CNTNAP2: variants seen among roughly 807,000 people sequenced by gnomAD.
CNTNAP2 encodes contactin associated protein 2, also known as contactin-associated protein-like 2.
In CNTNAP2, 98 loss-of-function variants were observed where a neutral mutation model predicts 155.2. The ratio of observed to expected loss-of-function variants is 0.63; its 90% confidence interval spans 0.54 to 0.75. The LOEUF (loss-of-function observed/expected upper bound fraction) is 0.75. Ranked by LOEUF, CNTNAP2 falls within the 30% of genes least tolerant of loss-of-function variation. CNTNAP2 has a pLI of 0.00. For synonymous variants in CNTNAP2, 651 were observed against 631.2 expected, an observed-to-expected ratio of 1.03 and a Z score of -0.47; for missense variants, 1,727 against 1,688.1, an observed-to-expected ratio of 1.02 and a Z score of -0.40.
intron 1 of CNTNAP2, among the ~76,000 whole-genome samples, chr7:146,712,700 A>T (rs1015289321): frequency 9.2e-5 from 14 of 151,818 alleles, no homozygotes; most frequent in Non-Finnish European, 1.5e-4. Flanking sequence ...TAAATAGTCT[A>T]ACATCTGTAA....
At chr7:146,146,713 G>A (rs1237986473) in intron 1 of CNTNAP2, among the ~76,000 whole-genome samples, 1 of 151,956 alleles carries the variant, frequency 6.6e-6, no homozygotes, top group Non-Finnish European at 1.5e-5. Flanking sequence ...TCAAATTTCG[G>A]GGGCAAATGC....
At chr7:146,481,541 A>C (rs1053498753) in intron 1 of CNTNAP2, among the ~76,000 whole-genome samples, 2 of 152,234 alleles carry the variant, frequency 1.3e-5, no homozygotes, top group African/African-American at 4.8e-5. Flanking sequence ...ATAATTGTTC[A>C]GTAAATGTAT....
Position 147,043,927 on chromosome 7 carries a change from C to T in CNTNAP2, c.423C>T (p.Asn141=). 1 of 1,614,154 alleles carries T rather than the reference C, an allele frequency of 6.2e-7. No homozygotes were observed. Among genetic ancestry groups the T allele is most frequent in the South Asian group, 1.1e-5 (1 of 91,090 alleles). The change falls in exon 4 of 24, where the codon AAC becomes AAT. Residue 141 remains asparagine, a synonymous_variant. Coordinates refer to ENST00000361727, the MANE Select transcript of CNTNAP2 (RefSeq NM_014141.6). ...TCCAGGCATTTCCCGGAAACATTAACTCTGACGGTGTGGTCCGGCACGAAT... is the reference window on the plus strand; with the variant it reads ...TCCAGGCATTTCCCGGAAACATTAATTCTGACGGTGTGGTCCGGCACGAAT... ...GNIWAFPGNI[N]SDGVVRHELQ... is the part of the protein sequence containing the mutation.
intron 1 of CNTNAP2, among the ~76,000 whole-genome samples, chr7:146,428,954 C>T (rs933988809): frequency 2.0e-5 from 3 of 151,844 alleles, no homozygotes; most frequent in African/African-American, 7.2e-5. Context: ...GGTCAATTTT[C>T]AATTTTCTGC....
intron 10 of CNTNAP2, among the ~76,000 whole-genome samples, chr7:147,440,650 G>A (rs989253963): frequency 1.3e-5 from 2 of 152,144 alleles, no homozygotes; most frequent in East Asian, 1.9e-4. Flanking sequence ...GACAGATCTG[G>A]TATTGATGAA....
chr7:147,231,054 A>G lies in CNTNAP2; in HGVS notation c.1349-69087A>G, dbSNP rs187525146. ...AAGCACGTATTACATGGCAGCAGACAAAAGAGAAGAGTGAAGCAAGCGGGA... is the reference window on the plus strand; with the variant it reads ...AAGCACGTATTACATGGCAGCAGACGAAAGAGAAGAGTGAAGCAAGCGGGA... On this transcript the variant is annotated intron_variant, in intron 8 of 23. Transcript: ENST00000361727. Among the ~76,000 whole-genome samples, 409 of 152,368 alleles carry G rather than the reference A, an allele frequency of 2.7e-3. 1 individual carries two copies. Among genetic ancestry groups the G allele is most frequent in the African/African-American group, 9.2e-3 (383 of 41,586 alleles).
chr7:146,295,759 A>T (rs7783831), intron 1 of CNTNAP2, among the ~76,000 whole-genome samples: 2,959 of 152,094 alleles, frequency 0.019, 118 homozygotes, highest in African/African-American at 0.067. Flanking sequence ...GAAAGCAGAA[A>T]TAATTGTTAA....
intron 13 of CNTNAP2, among the ~76,000 whole-genome samples, chr7:147,806,536 G>T (rs1262327712): frequency 1.3e-5 from 2 of 152,128 alleles, no homozygotes; most frequent in Non-Finnish European, 2.9e-5. Flanking sequence ...TTTCAAAAAG[G>T]TATCTGCACT....
intron 13 of CNTNAP2, among the ~76,000 whole-genome samples, chr7:147,838,152 A>G (rs2116646981): frequency 6.6e-6 from 1 of 152,264 alleles, no homozygotes; most frequent in South Asian, 2.1e-4. Context: ...GACCCCTTTT[A>G]GTCACACCTG....
chr7:148,025,625 A>C (rs1802360896), intron 15 of CNTNAP2, among the ~76,000 whole-genome samples: 1 of 152,222 alleles, frequency 6.6e-6, no homozygotes, highest in Non-Finnish European at 1.5e-5. Context: ...TTAGTACTCA[A>C]AACAATCTAT....
chr7:146,772,502 C>CAA (rs71165037), intron 1 of CNTNAP2, among the ~76,000 whole-genome samples: 7,929 of 96,146 alleles, frequency 0.082, 849 homozygotes, highest in African/African-American at 0.23. Context: ...ACTGAAAATA[C>CAA]AAAAAAAAAA....
At chr7:146,373,435 T>TACACACACACAC (rs1563059452) in intron 1 of CNTNAP2, among the ~76,000 whole-genome samples, 16 of 142,096 alleles carry the variant, frequency 1.1e-4, no homozygotes, top group African/African-American at 4.8e-4. Context: ...CACACACACT[T>TACACACACACAC]AGGCATGAGG....
At chr7:147,840,102 A>C (rs118116146) in intron 13 of CNTNAP2, among the ~76,000 whole-genome samples, 2,154 of 152,212 alleles carry the variant, frequency 0.014, 23 homozygotes, top group Non-Finnish European at 0.023. Flanking sequence ...ACTTATAAGT[A>C]GGAGCTAAAT....
At chr7:146,215,636 A>G (rs926698579) in intron 1 of CNTNAP2, among the ~76,000 whole-genome samples, 4 of 151,578 alleles carry the variant, frequency 2.6e-5, no homozygotes, top group African/African-American at 9.7e-5. Flanking sequence ...ATATTTTTTT[A>G]CTTGCCTTTG....
intron 4 of CNTNAP2, among the ~76,000 whole-genome samples, chr7:147,071,924 A>G (rs904762631): frequency 6.6e-6 from 1 of 152,218 alleles, no homozygotes; most frequent in African/African-American, 2.4e-5. Flanking sequence ...GGGGCTGGAT[A>G]TGCCCAGGGT....
intron 11 of CNTNAP2, among the ~76,000 whole-genome samples, chr7:147,492,428 G>A (rs180753147): frequency 5.9e-5 from 9 of 152,278 alleles, no homozygotes; most frequent in Non-Finnish European, 1.3e-4. Flanking sequence ...AATAGATACA[G>A]ATATGTTTAA....
chr7:146,232,512 T>C (rs1340831888), intron 1 of CNTNAP2, among the ~76,000 whole-genome samples: 2 of 152,094 alleles, frequency 1.3e-5, no homozygotes, highest in Non-Finnish European at 2.9e-5. Context: ...GAGCCAGAGA[T>C]TCTCCTCATT....
intron 3 of CNTNAP2, among the ~76,000 whole-genome samples, chr7:146,900,457 C>T (rs965665525): frequency 3.9e-5 from 6 of 152,232 alleles, no homozygotes; most frequent in Admixed American, 2.0e-4. Context: ...CTCCACTCCA[C>T]AGCTTCACCC....
chr7:146,531,678 G>A (rs191303543), intron 1 of CNTNAP2, among the ~76,000 whole-genome samples: 45 of 152,026 alleles, frequency 3.0e-4, no homozygotes, highest in African/African-American at 9.6e-4. Context: ...CCCAAGTAGC[G>A]GGATTACAGG....
Sources: allele counts gnomAD v4.1 joint callset (sites outside exome capture counted in the v4.1 genomes callset), GRCh38; gene constraint gnomAD v4.1.1; transcripts MANE v1.5; gene names NCBI Gene and HGNC (gene_info 2026-07-23, HGNC 2026-07-21).